EIF4E3: variants seen among roughly 807,000 people sequenced by gnomAD.
The protein encoded by EIF4E3 is eukaryotic translation initiation factor 4E family member 3.
A neutral mutation model predicts 31.7 loss-of-function variants in EIF4E3; 26 were observed. The observed-to-expected ratio is 0.82, with a 90% CI of 0.60 to 1.14. The LOEUF (loss-of-function observed/expected upper bound fraction) is 1.14. EIF4E3 is among the 50% of genes most tolerant of loss of function. The probability of loss-of-function intolerance (pLI) is 0.00; values close to 1 mark genes in which losing one functional copy is unlikely to be tolerated. For missense variants in EIF4E3, 304 were observed against 270.9 expected (o/e 1.12, Z -0.86); for synonymous variants, 128 against 107.7 (o/e 1.19, Z -1.17).
At chr3:71,667,173 T>A in the EIF4E3 span, among the ~76,000 whole-genome samples, 1 of 152,272 alleles carries the variant, frequency 6.6e-6, no homozygotes, top group African/African-American at 2.4e-5. Flanking sequence ...TCTCAATAGA[T>A]GTAGAAAAGG....
rs141602080 is a variant in EIF4E3, at chr3:71,748,046, C to G, written c.-291+5417G>C. Among the ~76,000 whole-genome samples the G allele has an allele frequency of 5.4e-4, 83 of 152,300 alleles. 2 individuals carry two copies. Among genetic ancestry groups the G allele is most frequent in the Non-Finnish European group, 2.9e-4 (20 of 68,030 alleles). ...TCCCAACATTCAAGTGGATAGCAGG[C>G]TCTGGGCTTCCTTGACTAGGAGAGG... On this transcript the variant is annotated intron_variant, in intron 1 of 7. Coordinates refer to the EIF4E3 transcript ENST00000295612.
At chr3:71,670,851 T>G (rs2048844005), downstream of EIF4E3, among the ~76,000 whole-genome samples, 2 of 152,192 alleles carry the variant, frequency 1.3e-5, no homozygotes, top group African/African-American at 4.8e-5. Context: ...ACTATTCCTG[T>G]GACTCAGATG....
At chr3:71,729,035 AAGTC>A (rs1366325327), upstream of EIF4E3, 5 of 152,308 alleles carry the variant, frequency 3.3e-5, no homozygotes, top group African/African-American at 1.2e-4. Context: ...AAGAATGAGA[AAGTC>A]AGAGCGAGCA....
At chr3:71,689,722 G>T (rs762506521) in intron 6 of EIF4E3, among the ~76,000 whole-genome samples, 1 of 151,506 alleles carries the variant, frequency 6.6e-6, no homozygotes, top group African/African-American at 2.4e-5. Flanking sequence ...TTTTTTCTGA[G>T]AATTACAAAT....
chr3:71,714,970 A>C (rs1482965092), intron 1 of EIF4E3, among the ~76,000 whole-genome samples: 2 of 152,344 alleles, frequency 1.3e-5, no homozygotes, highest in East Asian at 3.9e-4. Flanking sequence ...CTTAGCTTTA[A>C]AAATCTTTTC....
the EIF4E3 span, among the ~76,000 whole-genome samples, chr3:71,663,361 T>C: frequency 1.3e-5 from 2 of 152,254 alleles, no homozygotes; most frequent in African/African-American, 4.8e-5. Flanking sequence ...CAGGAAAGTT[T>C]GTTTGTGGAT....
chr3:71,686,596 A>G (rs2048995602), intron 6 of EIF4E3, among the ~76,000 whole-genome samples: 1 of 142,066 alleles, frequency 7.0e-6, no homozygotes, highest in African/African-American at 2.5e-5. Flanking sequence ...TTTAAGAAAG[A>G]TATTTAGGGA....
At chr3:71,686,109 C>T (rs2048987085) in intron 6 of EIF4E3, among the ~76,000 whole-genome samples, 1 of 152,192 alleles carries the variant, frequency 6.6e-6, no homozygotes, top group Admixed American at 6.5e-5. Flanking sequence ...CTTCAGTCTC[C>T]TGAGTAGCTG....
Position 71,725,293 on chromosome 3 carries a change from G to A in EIF4E3, c.75C>T (p.Ala25=), listed in dbSNP as rs1034167721. 4.4e-5 allele frequency: 44 copies of A among 1,000,668 alleles called. No homozygotes were observed. Among genetic ancestry groups the A allele is most frequent in the Non-Finnish European group, 5.1e-5 (43 of 840,394 alleles). 62.0% of individuals were successfully genotyped at this position (1,000,668 alleles called of 1,614,324 possible). ...GGCCGAGCGGCGGCTCGGGGGCGGCGGCAGCGGCGGCGGCGCGGGACCCCG... is the reference window on the plus strand; with the variant it reads ...GGCCGAGCGGCGGCTCGGGGGCGGCAGCAGCGGCGGCGGCGCGGGACCCCG... ...EPPGSRAAAA[A]AAPEPPLGLQ... The change falls in exon 1 of 7, where the codon GCC becomes GCT. Residue 25 remains alanine (A), a synonymous_variant. Coordinates refer to ENST00000425534, the MANE Select transcript of EIF4E3 (RefSeq NM_001134651.2). The surrounding 1 kb of genome is among the most constrained non-coding windows in gnomAD (Gnocchi z 6.1).
At position 71,725,230 on chromosome 3, in the gene EIF4E3, C is replaced by A; in HGVS notation, c.138G>T (p.Gly46=). 1.8e-6 allele frequency: 2 copies of A among 1,133,160 alleles called. No individual in the cohort carries two copies. Among genetic ancestry groups the A allele is most frequent in the South Asian group, 2.4e-5 (1 of 42,206 alleles). 70.2% of individuals were successfully genotyped at this position (1,133,160 alleles called of 1,614,324 possible). The change falls in exon 1 of 7, where the codon GGG becomes GGT. Residue 46 remains glycine (G), a synonymous_variant. Transcript: ENST00000425534. This position sits in a 1 kb window ranked among gnomAD's most constrained non-coding sequence, Gnocchi z 6.1. ...AGGTCCAGGACGAGTGCAGCGGGAC[C>A]CCGCCCGGCTCAGGCTGCAGCGCCG... The part of the protein sequence containing the change: ...QLSALQPEPG[G]VPLHSSWTFW...
chr3:71,731,594 C>A (rs1234770730), intron 1 of EIF4E3, among the ~76,000 whole-genome samples: 6 of 152,222 alleles, frequency 3.9e-5, no homozygotes, highest in African/African-American at 1.4e-4. Context: ...CCATGGCTGG[C>A]ACACCAGCAA....
At position 71,680,096 on chromosome 3, in the gene EIF4E3, C is replaced by T. The variant is rs547508756; in HGVS notation, c.*4586G>A. The T allele has an allele frequency of 5.3e-5, 8 of 152,284 alleles. No individual in the cohort carries two copies. Among genetic ancestry groups the T allele is most frequent in the East Asian group, 1.9e-4 (1 of 5,188 alleles). 9.4% of individuals were successfully genotyped at this position (152,284 alleles called of 1,614,324 possible). A position where few individuals can be genotyped will look rare whatever the true frequency, so the allele number is the denominator to read the frequency against. On this transcript the variant is annotated 3_prime_UTR_variant, in exon 7 of 7. Coordinates refer to ENST00000425534, the MANE Select transcript of EIF4E3 (RefSeq NM_001134651.2). ...GTCCCAGCCATAAAGTTCTTATTCA[C>T]GAGCATCATCTACTCAAGTCTCAGT...
Position 71,733,433 on chromosome 3 carries a change from T to C in EIF4E3, c.-290-4810A>G, listed in dbSNP as rs554812006. Among the ~76,000 whole-genome samples, 10 of 152,354 alleles carry C rather than the reference T, an allele frequency of 6.6e-5. No homozygotes were observed. The East Asian group carries it at 9.6e-4, about 15-fold the overall frequency. ...TTAGGGGAACATTTTGTAAGCCAGT[T>C]CTCTGAGGAAGTGTATTGTGCTTTC... On this transcript the variant is annotated intron_variant, in intron 1 of 7. Transcript: ENST00000295612.
rs963229072 is a variant in EIF4E3 at position 71,714,265 on chromosome 3, G to C, written c.177-3781C>G. ...GGAAAGGAAGGAAGGAAGGAAGGAA[G>C]GAAGGAAAGAAGGAAGGAAGGAAGG... On this transcript the variant is annotated intron_variant, in intron 1 of 6. Transcript: ENST00000425534. 3.5e-5 allele frequency among the ~76,000 whole-genome samples: 4 copies of C among 114,358 alleles called. No homozygotes were observed. The South Asian group carries it at 8.2e-4, about 24-fold the overall frequency. 75.0% of individuals were successfully genotyped at this position (114,358 alleles called of 152,430 possible).
downstream of EIF4E3, among the ~76,000 whole-genome samples, chr3:71,675,022 T>G (rs1393766712): frequency 6.6e-6 from 1 of 152,214 alleles, no homozygotes; most frequent in Non-Finnish European, 1.5e-5. Flanking sequence ...CCGGACAAGT[T>G]CAAATCCAGA....
chr3:71,724,131 G>A (rs913413025), intron 1 of EIF4E3, among the ~76,000 whole-genome samples: 2 of 152,146 alleles, frequency 1.3e-5, no homozygotes, highest in African/African-American at 2.4e-5. Flanking sequence ...GAATAGACAC[G>A]GTTTCATCAA....
the EIF4E3 span, among the ~76,000 whole-genome samples, chr3:71,666,326 A>C: frequency 1.2e-4 from 18 of 152,354 alleles, no homozygotes; most frequent in East Asian, 3.5e-3. Flanking sequence ...CCTCTATGCA[A>C]ATAAACTAGA....
the EIF4E3 span, among the ~76,000 whole-genome samples, chr3:71,662,700 A>C: frequency 6.6e-6 from 1 of 152,166 alleles, no homozygotes; most frequent in African/African-American, 2.4e-5. Context: ...CAAACCAAAC[A>C]AACAATATAT....
At chr3:71,726,225 C>T (rs373218844), upstream of EIF4E3, among the ~76,000 whole-genome samples, 102 of 152,282 alleles carry the variant, frequency 6.7e-4, no homozygotes, top group African/African-American at 2.4e-3. Context: ...GAGAACATTT[C>T]CCAAAATCAG....
Sources: gnomAD v4.1 joint callset for allele counts (sites outside exome capture counted in the v4.1 genomes callset) on GRCh38, gnomAD v4.1.1 for gene constraint, Gnocchi (gnomAD v3.1) non-coding constraint, MANE v1.5 for transcripts, NCBI Gene and HGNC (gene_info 2026-07-23, HGNC 2026-07-21) for gene names.